The following NRG1 variants were observed in gnomAD, a reference collection of about 807,000 sequenced individuals.
The protein encoded by NRG1 is neuregulin 1.
In NRG1, 18 loss-of-function variants were observed where a neutral mutation model predicts 63.8. The ratio of observed to expected loss-of-function variants is 0.28; its 90% CI spans 0.19 to 0.42. The LOEUF (loss-of-function observed/expected upper bound fraction) is 0.42, where lower values mean the gene tolerates loss of function less well. Ranked by LOEUF, NRG1 falls within the 10% of genes least tolerant of loss-of-function variation. The pLI is 1.00. For missense variants in NRG1, 762 were observed against 814.7 expected, an observed-to-expected ratio of 0.94 and a Z score of 0.79; for synonymous variants, 302 against 301.3, an observed-to-expected ratio of 1.00 and a Z score of -0.02.
At chr8:31,866,420 T>G (rs1828966391) in intron 1 of NRG1, among the ~76,000 whole-genome samples, 1 of 152,114 alleles carries the variant, frequency 6.6e-6, no homozygotes, top group Non-Finnish European at 1.5e-5. Flanking sequence ...ACGATAATCT[T>G]TTTTTATTTT....
Position 31,863,483 on chromosome 8 carries a change from C to A in NRG1, c.37+224052C>A, listed in dbSNP as rs562457050. On this transcript the variant is annotated intron_variant, in intron 1 of 10. Coordinates refer to the NRG1 transcript ENST00000519301. ...CCCTGACCTCTGCACATCACTGAAC[C>A]TGTATCCTACTGTTAATGATACATA... Among the ~76,000 whole-genome samples, 4 of 152,284 alleles carry A rather than the reference C, an allele frequency of 2.6e-5. No individual in the cohort carries two copies. In the South Asian group the frequency reaches 8.3e-4, roughly 32 times the overall value.
intron 5 of NRG1, among the ~76,000 whole-genome samples, chr8:32,644,926 T>C (rs1380085397): frequency 6.6e-6 from 1 of 152,156 alleles, no homozygotes; most frequent in Non-Finnish European, 1.5e-5. Context: ...TATTTTCTCC[T>C]ATCTGCCTGA....
At chr8:32,661,585 G>A (rs188678402) in intron 5 of NRG1, among the ~76,000 whole-genome samples, 11 of 150,834 alleles carry the variant, frequency 7.3e-5, no homozygotes, top group Admixed American at 7.3e-4. Context: ...TAAGAAACAC[G>A]GGCTGGTCTA....
chr8:32,352,957 T>TAG lies in NRG1; in HGVS notation c.38-242870_38-242869insGA, dbSNP rs879602008. 5.4e-3 allele frequency among the ~76,000 whole-genome samples: 656 copies of TAG among 121,828 alleles called. 5 individuals carry two copies. Among genetic ancestry groups the TAG allele is most frequent in the African/African-American group, 0.011 (412 of 38,570 alleles). 79.9% of individuals were successfully genotyped at this position (121,828 alleles called of 152,430 possible). On this transcript the variant is annotated intron_variant, in intron 1 of 10. Transcript: ENST00000519301. ...ATATATATGTGTGTGTGTATATATA[T>TAG]ATATACAGAGAGAGAGAGACAGAGA...
chr8:31,921,488 A>AGG (rs1563569707), intron 1 of NRG1, among the ~76,000 whole-genome samples: 1 of 152,118 alleles, frequency 6.6e-6, no homozygotes. Context: ...ACACACACAC[A>AGG]CACACACACA....
At chr8:32,155,180 G>A (rs1186394353) in intron 1 of NRG1, among the ~76,000 whole-genome samples, 2 of 151,478 alleles carry the variant, frequency 1.3e-5, no homozygotes, top group African/African-American at 4.9e-5. Flanking sequence ...AAAAAAAAAT[G>A]TGAGACTAAG....
At chr8:32,254,861 T>C (rs562049149) in intron 1 of NRG1, among the ~76,000 whole-genome samples, 3 of 152,314 alleles carry the variant, frequency 2.0e-5, no homozygotes, top group South Asian at 4.1e-4. Flanking sequence ...GCTCCTCATA[T>C]TGGGAATCTG....
At chr8:31,802,231 A>G (rs1435264337) in intron 1 of NRG1, among the ~76,000 whole-genome samples, 1 of 152,204 alleles carries the variant, frequency 6.6e-6, no homozygotes, top group Non-Finnish European at 1.5e-5. Flanking sequence ...ATACTCACAG[A>G]TAATAGTGCA....
chr8:32,402,048 A>G (rs1156775130), intron 1 of NRG1, among the ~76,000 whole-genome samples: 1 of 152,032 alleles, frequency 6.6e-6, no homozygotes, highest in Non-Finnish European at 1.5e-5. Context: ...AGTACCTGGG[A>G]CAACAGGCGC....
At chr8:31,754,498 G>C (rs1438398957) in intron 1 of NRG1, among the ~76,000 whole-genome samples, 1 of 152,082 alleles carries the variant, frequency 6.6e-6, no homozygotes. Context: ...GCAGATGCCA[G>C]CATCATGCTT....
chr8:32,697,253 T>A (rs1019884263), intron 5 of NRG1, among the ~76,000 whole-genome samples: 6 of 152,248 alleles, frequency 3.9e-5, no homozygotes, highest in Non-Finnish European at 8.8e-5. Context: ...GCTAGTCACC[T>A]CTATGAGCTT....
At chr8:31,924,646 A>T (rs1341992489) in intron 1 of NRG1, among the ~76,000 whole-genome samples, 31 of 114,298 alleles carry the variant, frequency 2.7e-4, no homozygotes, top group Admixed American at 3.4e-4. Context: ...TCTCATTTCT[A>T]TTTCCTTTGG....
At chr8:31,930,514 T>A (rs1397946462) in intron 1 of NRG1, among the ~76,000 whole-genome samples, 1 of 152,232 alleles carries the variant, frequency 6.6e-6, no homozygotes, top group Admixed American at 6.5e-5. Flanking sequence ...TCTTTGGTGA[T>A]TGTTTCATAA....
At chr8:31,806,120 A>G (rs993450296) in intron 1 of NRG1, among the ~76,000 whole-genome samples, 1 of 152,202 alleles carries the variant, frequency 6.6e-6, no homozygotes, top group Non-Finnish European at 1.5e-5. Context: ...GCCATAATTT[A>G]TATTCATTAA....
chr8:32,531,588 T>C (rs1310287142), intron 1 of NRG1, among the ~76,000 whole-genome samples: 2 of 152,144 alleles, frequency 1.3e-5, no homozygotes, highest in African/African-American at 4.8e-5. Flanking sequence ...TAAAAAGTTA[T>C]TGTGGCAGTA....
intron 1 of NRG1, among the ~76,000 whole-genome samples, chr8:32,310,716 G>C (rs915580325): frequency 6.6e-6 from 1 of 152,202 alleles, no homozygotes; most frequent in South Asian, 2.1e-4. Context: ...TCTTGATTCT[G>C]GGGACTGGCT....
chr8:31,765,089 G>C (rs1381573990), intron 1 of NRG1, among the ~76,000 whole-genome samples: 1 of 151,784 alleles, frequency 6.6e-6, no homozygotes, highest in Non-Finnish European at 1.5e-5. Context: ...TTTATTTTTT[G>C]AGTGATTATA....
intron 1 of NRG1, among the ~76,000 whole-genome samples, chr8:32,438,041 T>C (rs1224659295): frequency 1.3e-5 from 2 of 152,176 alleles, no homozygotes; most frequent in Non-Finnish European, 2.9e-5. Flanking sequence ...CAATACTTTT[T>C]ACCCAGTTTC....
rs1372572715 is a variant in NRG1 at position 31,819,716 on chromosome 8, A to C, written c.37+180285A>C. Among the ~76,000 whole-genome samples, 9 of 152,340 alleles carry C rather than the reference A, an allele frequency of 5.9e-5. No individual in the cohort carries two copies. The East Asian group carries it at 1.3e-3, about 23-fold the overall frequency. ...TCTCAGTAATAGTCCTTAAAACAAC[A>C]AATGATACATTAAGTGACCTGAGCC... is the stretch of plus-strand genomic sequence containing the variant. On this transcript the variant is annotated intron_variant, in intron 1 of 10. Transcript: ENST00000519301.
Sources: allele counts gnomAD v4.1 joint callset (sites outside exome capture counted in the v4.1 genomes callset), GRCh38; gene constraint gnomAD v4.1.1; transcripts MANE v1.5; gene names NCBI Gene and HGNC (gene_info 2026-07-23, HGNC 2026-07-21).